The following ANKRD35 variants were observed in gnomAD, a reference collection of about 807,000 sequenced individuals.
ANKRD35 encodes ankyrin repeat domain 35, also known as ankyrin repeat domain-containing protein 35.
In ANKRD35, 102 loss-of-function variants were observed where a neutral mutation model predicts 109.9. The ratio of observed to expected loss-of-function variants is 0.93; its 90% CI spans 0.79 to 1.09. The LOEUF is 1.09. ANKRD35 is among the 50% of genes least tolerant of loss of function. ANKRD35 has a pLI of 0.00. For synonymous variants in ANKRD35, 515 were observed against 512.4 expected, an observed-to-expected ratio of 1.01 and a Z score of -0.07; for missense variants, 1,240 against 1,230.1, an observed-to-expected ratio of 1.01 and a Z score of -0.12.
At chr1:145,874,732 G>A (rs1485254280) in intron 8 of ANKRD35, 90 bp downstream of exon 8, 1 of 1,400,578 alleles carries the variant, frequency 7.1e-7, no homozygotes, top group African/African-American at 1.5e-5. Flanking sequence ...ACAATTATTT[G>A]TCAGATAGAT....
Position 145,872,835 on chromosome 1 carries a change from A to G in ANKRD35, c.1934T>C (p.Leu645Pro). ...GRERQRLQRE[L>P]QSLSQRLQRE... ...CTGCAGCCGCTGGCTCAGGGACTGT[A>G]GCTCCCTCTGCAACCTCTGCCGCTC... The change falls in exon 10 of 14, where the codon CTA (leucine) becomes CCA (proline). Residue 645 changes from leucine (L) to proline (P), a missense_variant. Leu to Pro is a moderately conservative substitution (Grantham distance 98). Transcript: ENST00000355594. The G allele has an allele frequency of 1.9e-6, 3 of 1,613,968 alleles. No individual in the cohort carries two copies. Among genetic ancestry groups the G allele is most frequent in the Non-Finnish European group, 2.5e-6 (3 of 1,179,992 alleles).
In ANKRD35 at chr1:145,879,792, G is replaced by T. The variant is rs587598954; in HGVS notation, c.40-404C>A. 8.5e-5 allele frequency among the ~76,000 whole-genome samples: 13 copies of T among 152,248 alleles called. No homozygotes were observed. The South Asian group carries it at 2.5e-3, about 29-fold the overall frequency. ...TGGAACCAACGTGACCACTTTTGAG[G>T]ACTCATGTTGCCTCTCACCACCGCC... On this transcript the variant is annotated intron_variant, in intron 1 of 13. Transcript: ENST00000355594.
intron 1 of ANKRD35, among the ~76,000 whole-genome samples, chr1:145,879,831 C>T (rs1272459940): frequency 6.6e-6 from 1 of 151,958 alleles, no homozygotes; most frequent in East Asian, 1.9e-4. Context: ...ACCCCTGAAA[C>T]CCTGCTGCTC....
In ANKRD35 at chr1:145,867,327, G is replaced by T. The variant is rs754048098; in HGVS notation, c.*3C>A. On this transcript the variant is annotated 3_prime_UTR_variant, in exon 13 of 14. Transcript: ENST00000355594. ...ATCCCTGAGGGCACACAGTGAGGCTGCCTCACTCCTCTTCCATGCTAAGGA... is the reference window on the plus strand; with the variant it reads ...ATCCCTGAGGGCACACAGTGAGGCTTCCTCACTCCTCTTCCATGCTAAGGA... 1.2e-6 allele frequency: 2 copies of T among 1,613,630 alleles called. No homozygotes were observed. Among genetic ancestry groups the T allele is most frequent in the Non-Finnish European group, 8.5e-7 (1 of 1,179,666 alleles).
In ANKRD35 at chr1:145,877,902, T is replaced by A. The variant is rs1456857292; in HGVS notation, c.324+66A>T. On this transcript the variant is annotated intron_variant, in intron 4 of 13. Coordinates refer to ENST00000355594, the MANE Select transcript of ANKRD35 (RefSeq NM_144698.5). The stretch of plus-strand genomic sequence containing the variant: ...CCAACTATTCCTTTTAAGTATGAAA[T>A]GAAGTTAGAAAACTCTGGGACCACT... The A allele has an allele frequency of 6.7e-6, 10 of 1,488,580 alleles. No homozygotes were observed. The African/African-American group carries it at 1.2e-4, about 19-fold the overall frequency. The allele number at this position is 1,488,580 out of a possible 1,614,324, so 92.2% of individuals were successfully genotyped here.
In ANKRD35 at chr1:145,877,956, G is replaced by T. The variant is rs1553740433; in HGVS notation, c.324+12C>A. On this transcript the variant is annotated intron_variant, in intron 4 of 13. Coordinates refer to ENST00000355594, the MANE Select transcript of ANKRD35 (RefSeq NM_144698.5). ...TCCCTTCATAAGAGTGGTATCAAGG[G>T]ACTGCTCTTACCTGAAGCAGAACCT... The T allele has an allele frequency of 6.2e-7, 1 of 1,613,210 alleles. No individual in the cohort carries two copies. The highest frequency in any genetic ancestry group is 1.7e-5 in the Admixed American group (1 of 60,008).
chr1:145,883,615 G>T (rs1227859453), intron 1 of ANKRD35, among the ~76,000 whole-genome samples: 1 of 152,210 alleles, frequency 6.6e-6, no homozygotes, highest in Non-Finnish European at 1.5e-5. Context: ...ACAGTGCAGG[G>T]CTCTGGCCCT....
chr1:145,872,799 A>G lies in ANKRD35; in HGVS notation c.1970T>C (p.Val657Ala), dbSNP rs1553739099. 6.2e-7 allele frequency: 1 copy of G among 1,613,956 alleles called. No homozygotes were observed. The highest frequency in any genetic ancestry group is 8.5e-7 in the Non-Finnish European group (1 of 1,179,946). Residue 657 changes from valine (V) to alanine (A), a missense_variant, in exon 10 of 14, where the codon GTG (valine) becomes GCG (alanine). Coordinates refer to ENST00000355594, the MANE Select transcript of ANKRD35 (RefSeq NM_144698.5). ...CTGGACCTGCGCCTGTGGCTTGGGC[A>G]CAAACTCCCGCTGCAGCCGCTGGCT... The part of the protein sequence containing the change: ...SLSQRLQREF[V>A]PKPQAQVQLQ...
chr1:145,881,275 G>A (rs1381394615), intron 1 of ANKRD35, among the ~76,000 whole-genome samples: 1 of 152,122 alleles, frequency 6.6e-6, no homozygotes, highest in African/African-American at 2.4e-5. Flanking sequence ...ACAAGAGCAA[G>A]ACTCCATCTC....
intron 5 of ANKRD35, 53 bp from the exon 6 acceptor site, chr1:145,876,692 C>T: frequency 6.2e-7 from 1 of 1,612,522 alleles, no homozygotes. Flanking sequence ...CCTACTCAGA[C>T]TATGACCCAA....
chr1:145,885,427 G>A (rs1490070636), intron 1 of ANKRD35, among the ~76,000 whole-genome samples: 1 of 152,002 alleles, frequency 6.6e-6, no homozygotes, highest in Non-Finnish European at 1.5e-5. Flanking sequence ...CAGGGCCATG[G>A]GAAGGGGACA....
intron 10 of ANKRD35, among the ~76,000 whole-genome samples, chr1:145,869,466 G>A (rs190397562): frequency 4.6e-5 from 7 of 151,580 alleles, no homozygotes; most frequent in African/African-American, 7.3e-5. Flanking sequence ...ACAGGTGTGA[G>A]CCACTGCGCC....
chr1:145,877,188 C>G (rs992494819), intron 4 of ANKRD35, among the ~76,000 whole-genome samples: 1 of 151,306 alleles, frequency 6.6e-6, no homozygotes, highest in East Asian at 1.9e-4. Flanking sequence ...TTAGGAAGAA[C>G]GAAAGTAGAA....
In ANKRD35 at chr1:145,874,947, C is replaced by G. The variant is rs782325338; in HGVS notation, c.620G>C (p.Ser207Thr). 1.2e-6 allele frequency: 2 copies of G among 1,613,368 alleles called. No individual in the cohort carries two copies. The highest frequency in any genetic ancestry group is 1.1e-5 in the South Asian group (1 of 90,848). The change falls in exon 8 of 14, where the codon AGC (serine) becomes ACC (threonine). Residue 207 changes from serine to threonine, a missense_variant. Ser to Thr is a moderately conservative substitution (Grantham distance 58, BLOSUM62 1). Coordinates refer to ENST00000355594, the MANE Select transcript of ANKRD35 (RefSeq NM_144698.5). ...CACAGCCCCCGCGTCAGCTCCGTGG[C>G]TCAGGAGCAGTTCAGCCACCTCGGC... ...GSAEVAELLL[S>T]HGADAGAVDS... is the part of the protein sequence containing the mutation.
In ANKRD35 at chr1:145,876,824, T is replaced by A; in HGVS notation, c.374A>T (p.His125Leu). Reference sequence around the variant, plus strand: ...GAGTCCCCTGCACACACCTGCCCAGTGCAATGGACTACGGTTTTCTGCATC... The same window carrying A: ...GAGTCCCCTGCACACACCTGCCCAGAGCAATGGACTACGGTTTTCTGCATC... Reference protein sequence around the residue: ...AVDAENRSPLHWAASSGCASS... With the variant: ...AVDAENRSPLLWAASSGCASS... The change falls in exon 5 of 14, where the codon CAC (histidine) becomes CTC (leucine). Residue 125 changes from histidine (H) to leucine (L), a missense_variant. Physicochemically the swap from His to Leu is moderately conservative, Grantham distance 99. Coordinates refer to ENST00000355594, the MANE Select transcript of ANKRD35 (RefSeq NM_144698.5). The A allele has an allele frequency of 6.2e-7, 1 of 1,614,146 alleles. No homozygotes were observed. The highest frequency in any genetic ancestry group is 8.5e-7 in the Non-Finnish European group (1 of 1,180,036).
chr1:145,876,755 G>A lies in ANKRD35; in HGVS notation c.382+61C>T, dbSNP rs950495945. On this transcript the variant is annotated intron_variant, in intron 5 of 13. Coordinates refer to ENST00000355594, the MANE Select transcript of ANKRD35 (RefSeq NM_144698.5). ...GCCCTGGCTGCCCTTCCCTCCTCAC[G>A]CCTCCCCTTTCCCACCCTGTAGTCT... The A allele has an allele frequency of 4.1e-5, 66 of 1,611,090 alleles. 1 individual carries two copies. The highest frequency in any genetic ancestry group is 1.1e-4 in the African/African-American group (8 of 74,962).
intron 10 of ANKRD35, among the ~76,000 whole-genome samples, chr1:145,869,959 T>A (rs1324687271): frequency 6.6e-6 from 1 of 152,214 alleles, no homozygotes; most frequent in Non-Finnish European, 1.5e-5. Context: ...GAAATGGAGA[T>A]GAGTCCTTAT....
Position 145,872,830 on chromosome 1 carries a change from A to G in ANKRD35, c.1939T>C (p.Ser647Pro), listed in dbSNP as rs781842067. The G allele has an allele frequency of 2.5e-6, 4 of 1,613,912 alleles. No individual in the cohort carries two copies. In the Admixed American group the frequency reaches 5.0e-5, roughly 20 times the overall value. ...TCCCGCTGCAGCCGCTGGCTCAGGGACTGTAGCTCCCTCTGCAACCTCTGC... is the reference window on the plus strand; with the variant it reads ...TCCCGCTGCAGCCGCTGGCTCAGGGGCTGTAGCTCCCTCTGCAACCTCTGC... ...ERQRLQRELQ[S>P]LSQRLQREFV... Residue 647 changes from serine to proline, a missense_variant, in exon 10 of 14, where the codon TCC becomes CCC. By Grantham distance (74) the Ser-to-Pro change is moderately conservative (BLOSUM62 -1). Transcript: ENST00000355594.
At chr1:145,870,990 G>A (rs1553738485) in intron 10 of ANKRD35, among the ~76,000 whole-genome samples, 1 of 151,910 alleles carries the variant, frequency 6.6e-6, no homozygotes, top group Non-Finnish European at 1.5e-5. Context: ...TCACGGTTAA[G>A]TCTGGAAGTA....
Sources: allele counts gnomAD v4.1 joint callset (sites outside exome capture counted in the v4.1 genomes callset), GRCh38; gene constraint gnomAD v4.1.1; transcripts MANE v1.5; gene names NCBI Gene and HGNC (gene_info 2026-07-23, HGNC 2026-07-21).